Variants in STK10 observed in about 807,000 individuals in gnomAD.
STK10 encodes serine/threonine kinase 10, also known as serine/threonine-protein kinase 10.
In STK10, 78 loss-of-function variants were observed where a neutral mutation model predicts 113.8. The observed-to-expected ratio is 0.69, with a 90% CI of 0.57 to 0.83. STK10 has a LOEUF of 0.83. STK10 is among the 40% of genes least tolerant of loss of function. The pLI is 0.00. For synonymous variants in STK10, 465 were observed against 494.7 expected, an observed-to-expected ratio of 0.94 and a Z score of 0.80; for missense variants, 1,109 against 1,280.1, an observed-to-expected ratio of 0.87 and a Z score of 2.04.
At chr5:172,094,929 T>C (rs1471588358) in intron 8 of STK10, among the ~76,000 whole-genome samples, 2 of 152,230 alleles carry the variant, frequency 1.3e-5, no homozygotes, top group African/African-American at 4.8e-5. Context: ...ACATTCTTCC[T>C]GTGTATAAAA....
chr5:172,175,496 C>T (rs1357540109), intron 1 of STK10, among the ~76,000 whole-genome samples: 7 of 152,112 alleles, frequency 4.6e-5, no homozygotes, highest in Non-Finnish European at 7.4e-5. Context: ...AGCAGCCCCA[C>T]CCACCAGGGT....
chr5:172,117,368 G>T (rs189930336), intron 4 of STK10, 113 bp downstream of exon 4: 3 of 1,281,756 alleles, frequency 2.3e-6, no homozygotes, highest in Non-Finnish European at 3.2e-6. Flanking sequence ...GGGCGTAGGC[G>T]TGAGGACCCC....
At chr5:172,071,285 TA>T (rs113372968) in intron 12 of STK10, among the ~76,000 whole-genome samples, 933 of 40,516 alleles carry the variant, frequency 0.023, 5 homozygotes, top group Middle Eastern at 0.075. Flanking sequence ...ATGAAAAGTT[TA>T]AAAAAAAAAA....
At chr5:172,110,964 G>A (rs1769226177) in intron 4 of STK10, among the ~76,000 whole-genome samples, 1 of 152,146 alleles carries the variant, frequency 6.6e-6, no homozygotes, top group African/African-American at 2.4e-5. Flanking sequence ...TGGCTTCTGA[G>A]CCCCGGTTAG....
At chr5:172,173,554 G>A (rs1435935063) in intron 1 of STK10, among the ~76,000 whole-genome samples, 1 of 152,192 alleles carries the variant, frequency 6.6e-6, no homozygotes, top group Non-Finnish European at 1.5e-5. Context: ...CAGGCACGGA[G>A]CTGAGACCTT....
At chr5:172,144,465 C>CA (rs1201891973) in intron 2 of STK10, among the ~76,000 whole-genome samples, 3 of 152,132 alleles carry the variant, frequency 2.0e-5, no homozygotes, top group East Asian at 1.9e-4. Flanking sequence ...AGGCAGACAC[C>CA]AAAAAACGCA....
chr5:172,064,474 AG>A (rs199942453), intron 13 of STK10: 2 of 571,244 alleles, frequency 3.5e-6, no homozygotes, highest in South Asian at 4.3e-5. Context: ...AGGGTTTGGG[AG>A]GTGGTCAATG....
At chr5:172,175,594 C>A (rs1012137490) in intron 1 of STK10, among the ~76,000 whole-genome samples, 3 of 152,116 alleles carry the variant, frequency 2.0e-5, no homozygotes, top group Non-Finnish European at 2.9e-5. Flanking sequence ...CCTGCCTGCA[C>A]CCCTCACCAC....
intron 12 of STK10, among the ~76,000 whole-genome samples, chr5:172,067,305 T>A (rs1195136851): frequency 6.6e-6 from 1 of 152,028 alleles, no homozygotes; most frequent in Non-Finnish European, 1.5e-5. Flanking sequence ...TGCAGTGAGC[T>A]GTGACTGCAC....
At chr5:172,125,296 C>T (rs552464394) in intron 3 of STK10, among the ~76,000 whole-genome samples, 6 of 152,202 alleles carry the variant, frequency 3.9e-5, no homozygotes, top group African/African-American at 1.4e-4. Context: ...GCTGTGTGTA[C>T]ACAATCACCA....
chr5:172,095,007 T>C (rs187003960), intron 8 of STK10, among the ~76,000 whole-genome samples: 10 of 152,188 alleles, frequency 6.6e-5, no homozygotes, highest in African/African-American at 1.9e-4. Context: ...GGAGGGGACA[T>C]TGCTTTGCCC....
At chr5:172,101,150 G>T (rs1441333766) in intron 7 of STK10, among the ~76,000 whole-genome samples, 1 of 152,168 alleles carries the variant, frequency 6.6e-6, no homozygotes, top group East Asian at 1.9e-4. Flanking sequence ...TGAACAAAGG[G>T]TTATGTAACA....
intron 2 of STK10, among the ~76,000 whole-genome samples, chr5:172,136,982 C>T (rs182314448): frequency 3.3e-5 from 5 of 151,988 alleles, no homozygotes; most frequent in African/African-American, 7.3e-5. Context: ...CCTAGCCCCC[C>T]ACCCCCGAAC....
At chr5:172,057,328 C>T (rs1356397667) in intron 15 of STK10, 21 bp downstream of exon 15, 4 of 1,577,984 alleles carry the variant, frequency 2.5e-6, no homozygotes, top group African/African-American at 1.3e-5. Context: ...GATCCGAGCC[C>T]CGTGCCACCG....
chr5:172,175,576 G>C (rs957954808), intron 1 of STK10, among the ~76,000 whole-genome samples: 1 of 151,896 alleles, frequency 6.6e-6, no homozygotes, highest in African/African-American at 2.4e-5. Context: ...GCCACTTCCT[G>C]TGCTAGTCCT....
chr5:172,058,136 G>A (rs868610762), intron 14 of STK10, among the ~76,000 whole-genome samples: 2 of 152,184 alleles, frequency 1.3e-5, no homozygotes, highest in South Asian at 4.1e-4. Context: ...AGAATCTCAC[G>A]CCCTTCGAGA....
At chr5:172,067,313 C>T (rs1768090905) in intron 12 of STK10, among the ~76,000 whole-genome samples, 1 of 151,930 alleles carries the variant, frequency 6.6e-6, no homozygotes, top group African/African-American at 2.4e-5. Flanking sequence ...GCTGTGACTG[C>T]ACCACTGCAC....
chr5:172,183,121 C>A (rs529227144), intron 1 of STK10, among the ~76,000 whole-genome samples: 2 of 152,202 alleles, frequency 1.3e-5, no homozygotes, highest in Admixed American at 1.3e-4. Flanking sequence ...ACAGGAGGAT[C>A]CCTTGAGCCC....
At chr5:172,167,671 T>C (rs1411512707) in intron 1 of STK10, among the ~76,000 whole-genome samples, 1 of 152,234 alleles carries the variant, frequency 6.6e-6, no homozygotes, top group East Asian at 1.9e-4. Flanking sequence ...ATACAGTAGC[T>C]ACTAGCCGCA....
Sources: allele counts gnomAD v4.1 joint callset (sites outside exome capture counted in the v4.1 genomes callset), GRCh38; gene constraint gnomAD v4.1.1; transcripts MANE v1.5; gene names NCBI Gene and HGNC (gene_info 2026-07-23, HGNC 2026-07-21).